Variants in RNLS observed in about 807,000 individuals in gnomAD.
The protein encoded by RNLS is renalase, FAD dependent amine oxidase, also known as renalase.
Under a neutral mutation model 39.8 loss-of-function variants are expected in RNLS, and 39 were observed. The observed-to-expected ratio is 0.98, with a 90% CI of 0.76 to 1.28. RNLS has a LOEUF of 1.28. RNLS is among the 50% of genes most tolerant of loss of function. The pLI is 0.00. For synonymous variants in RNLS, 147 were observed against 150.7 expected, an observed-to-expected ratio of 0.98 and a Z score of 0.18; for missense variants, 410 against 413.3, an observed-to-expected ratio of 0.99 and a Z score of 0.07.
chr10:88,342,394 T>C (rs1036352306), intron 5 of RNLS, among the ~76,000 whole-genome samples: 3 of 152,230 alleles, frequency 2.0e-5, no homozygotes, highest in Non-Finnish European at 4.4e-5. Flanking sequence ...GCATCTCATA[T>C]TTCAGATCTC....
At chr10:88,401,452 T>C (rs1334199367) in intron 4 of RNLS, among the ~76,000 whole-genome samples, 1 of 152,004 alleles carries the variant, frequency 6.6e-6, no homozygotes, top group Non-Finnish European at 1.5e-5. Flanking sequence ...TTCTAATTAT[T>C]TATTGAAAAT....
At chr10:88,480,787 T>G (rs960403934) in intron 4 of RNLS, among the ~76,000 whole-genome samples, 1 of 147,540 alleles carries the variant, frequency 6.8e-6, no homozygotes, top group Non-Finnish European at 1.5e-5. Flanking sequence ...TCCTGTGTCT[T>G]TGTGTGTGTG....
chr10:88,555,100 T>C (rs982344923), intron 4 of RNLS, among the ~76,000 whole-genome samples: 1 of 152,090 alleles, frequency 6.6e-6, no homozygotes, highest in African/African-American at 2.4e-5. Flanking sequence ...ATACCTGTGA[T>C]ACTGGAATTT....
the RNLS span, among the ~76,000 whole-genome samples, chr10:88,235,864 T>C: frequency 6.6e-6 from 1 of 151,952 alleles, no homozygotes; most frequent in African/African-American, 2.4e-5. Context: ...CAGGGTCTTG[T>C]TCTGTTGCCT....
At chr10:88,496,039 C>G (rs1025960609) in intron 4 of RNLS, among the ~76,000 whole-genome samples, 2 of 151,994 alleles carry the variant, frequency 1.3e-5, no homozygotes, top group Non-Finnish European at 2.9e-5. Flanking sequence ...GTCTGTTTTG[C>G]TTTCCATATG....
chr10:88,172,839 G>GTTTTTTTTTTTTTT, the RNLS span, among the ~76,000 whole-genome samples: 4 of 31,504 alleles, frequency 1.3e-4, no homozygotes, highest in African/African-American at 2.8e-4. Context: ...TGCATTTTGA[G>GTTTTTTTTTTTTTT]TTGTTTTTTT....
At chr10:88,298,873 G>C (rs558711590) in intron 6 of RNLS, among the ~76,000 whole-genome samples, 2 of 152,128 alleles carry the variant, frequency 1.3e-5, no homozygotes, top group Non-Finnish European at 2.9e-5. Flanking sequence ...TTGCAATTTT[G>C]ATAGAGCCTG....
chr10:88,306,906 T>C (rs1296845005), intron 6 of RNLS, among the ~76,000 whole-genome samples: 1 of 152,230 alleles, frequency 6.6e-6, no homozygotes, highest in East Asian at 1.9e-4. Flanking sequence ...TCCTTGAACA[T>C]TGATGCAAAA....
chr10:88,246,746 T>G, the RNLS span, among the ~76,000 whole-genome samples: 3 of 152,304 alleles, frequency 2.0e-5, no homozygotes, highest in East Asian at 5.8e-4. Context: ...TAACCATTCC[T>G]TACTGCAAGA....
intron 4 of RNLS, among the ~76,000 whole-genome samples, chr10:88,378,706 T>C (rs1334916652): frequency 1.3e-5 from 2 of 152,220 alleles, no homozygotes; most frequent in African/African-American, 2.4e-5. Flanking sequence ...TCATACCCTT[T>C]TTGTCCAATC....
chr10:88,517,523 T>C (rs1846476795), intron 4 of RNLS, among the ~76,000 whole-genome samples: 2 of 151,952 alleles, frequency 1.3e-5, no homozygotes, highest in Admixed American at 1.3e-4. Flanking sequence ...ACATGGTATG[T>C]AATATGAACT....
At chr10:88,451,602 A>G (rs1842363412) in intron 4 of RNLS, among the ~76,000 whole-genome samples, 1 of 152,156 alleles carries the variant, frequency 6.6e-6, no homozygotes, top group African/African-American at 2.4e-5. Context: ...ATCTCCCACA[A>G]TATCTTCAAT....
chr10:88,472,458 G>A (rs559987678), intron 4 of RNLS, among the ~76,000 whole-genome samples: 13 of 152,242 alleles, frequency 8.5e-5, no homozygotes, highest in African/African-American at 2.6e-4. Context: ...AAAGCAGCAC[G>A]ATAGGCATGA....
At chr10:88,471,623 C>T (rs1171904186) in intron 4 of RNLS, among the ~76,000 whole-genome samples, 1 of 152,166 alleles carries the variant, frequency 6.6e-6, no homozygotes, top group Non-Finnish European at 1.5e-5. Flanking sequence ...GAAGAACTTA[C>T]AGGCTTCAGA....
At chr10:88,254,510 G>A in the RNLS span, among the ~76,000 whole-genome samples, 2 of 152,206 alleles carry the variant, frequency 1.3e-5, no homozygotes, top group Non-Finnish European at 2.9e-5. Context: ...CAGATGTGCA[G>A]AGAAGGGCAG....
At chr10:88,235,465 T>C in the RNLS span, among the ~76,000 whole-genome samples, 2 of 152,152 alleles carry the variant, frequency 1.3e-5, no homozygotes, top group Non-Finnish European at 2.9e-5. Flanking sequence ...ACCAAGCTCA[T>C]GTGCCAGACA....
intron 4 of RNLS, among the ~76,000 whole-genome samples, chr10:88,475,594 C>G (rs17343157): frequency 0.074 from 11,299 of 152,040 alleles, 577 homozygotes; most frequent in Admixed American, 0.15. Flanking sequence ...CTAATCTCAC[C>G]TTCCTATGTC....
At chr10:88,493,839 T>C (rs1484869826) in intron 4 of RNLS, among the ~76,000 whole-genome samples, 1 of 152,160 alleles carries the variant, frequency 6.6e-6, no homozygotes, top group Non-Finnish European at 1.5e-5. Context: ...CTGTCAGTGG[T>C]GCTTTCTACC....
At chr10:88,246,550 GT>G in the RNLS span, among the ~76,000 whole-genome samples, 11 of 148,864 alleles carry the variant, frequency 7.4e-5, no homozygotes, top group Middle Eastern at 3.5e-3. Context: ...GAGTTTTGTT[GT>G]TTTTTTTTTA....
Sources: gnomAD v4.1 joint callset for allele counts (sites outside exome capture counted in the v4.1 genomes callset) on GRCh38, gnomAD v4.1.1 for gene constraint, MANE v1.5 for transcripts, NCBI Gene and HGNC (gene_info 2026-07-23, HGNC 2026-07-21) for gene names.